The following QTMAN variants were observed in gnomAD, a reference collection of about 807,000 sequenced individuals.
QTMAN encodes tRNA-queuosine alpha-mannosyltransferase.
chr2:144,071,150 TA>T, the QTMAN span, among the ~76,000 whole-genome samples: 1 of 150,692 alleles, frequency 6.6e-6, no homozygotes, highest in South Asian at 2.1e-4. Flanking sequence ...TAAAAGGACA[TA>T]AAATGCTTTA....
the QTMAN span, among the ~76,000 whole-genome samples, chr2:144,289,929 T>G: frequency 5.3e-3 from 812 of 152,266 alleles, 5 homozygotes; most frequent in Non-Finnish European, 6.4e-3. Context: ...CCTAAAGGTT[T>G]CTCCATACGT....
At chr2:144,110,378 A>G in the QTMAN span, among the ~76,000 whole-genome samples, 18 of 152,058 alleles carry the variant, frequency 1.2e-4, no homozygotes, top group East Asian at 3.9e-4. Context: ...ACATCACACA[A>G]TGGGGCCTGT....
the QTMAN span, among the ~76,000 whole-genome samples, chr2:144,231,052 T>C: frequency 1.3e-5 from 2 of 152,092 alleles, no homozygotes; most frequent in South Asian, 4.1e-4. Flanking sequence ...TTCTACAGAA[T>C]AATATGTCAG....
At chr2:144,331,846 C>A in the QTMAN span, among the ~76,000 whole-genome samples, 1 of 152,166 alleles carries the variant, frequency 6.6e-6, no homozygotes, top group Non-Finnish European at 1.5e-5. Context: ...ACTCGGCTGG[C>A]AGAGAGGAGT....
At chr2:143,970,761 C>A in the QTMAN span, 1 of 1,486,094 alleles carries the variant, frequency 6.7e-7, no homozygotes, top group Non-Finnish European at 9.4e-7. Context: ...TTATCATGCT[C>A]CCTGGAAATA....
the QTMAN span, among the ~76,000 whole-genome samples, chr2:144,310,015 A>T: frequency 7.4e-6 from 1 of 134,670 alleles, no homozygotes; most frequent in East Asian, 2.2e-4. Context: ...ATTCTGAAAG[A>T]AAAAGGTCAT....
the QTMAN span, among the ~76,000 whole-genome samples, chr2:143,994,348 C>T: frequency 6.6e-6 from 1 of 152,070 alleles, no homozygotes; most frequent in African/African-American, 2.4e-5. Context: ...AAAACTTAAA[C>T]ATGTATTTAT....
chr2:144,294,622 G>A, the QTMAN span: 1 of 152,138 alleles, frequency 6.6e-6, no homozygotes, highest in African/African-American at 2.4e-5. Context: ...GTGTATGTGT[G>A]TGTGTATACT....
chr2:144,152,336 G>C, the QTMAN span, among the ~76,000 whole-genome samples: 3 of 152,206 alleles, frequency 2.0e-5, no homozygotes, highest in South Asian at 2.1e-4. Context: ...ACTGTCTTAC[G>C]GATGTTTAAG....
At chr2:144,296,280 T>C in the QTMAN span, among the ~76,000 whole-genome samples, 1 of 152,228 alleles carries the variant, frequency 6.6e-6, no homozygotes, top group Non-Finnish European at 1.5e-5. Context: ...ACTAAAATCA[T>C]GTCATTTATC....
chr2:143,986,947 G>T, the QTMAN span, among the ~76,000 whole-genome samples: 1 of 152,124 alleles, frequency 6.6e-6, no homozygotes. Flanking sequence ...TCAAACAAAA[G>T]GAAGTTTTGG....
chr2:144,087,214 A>G, the QTMAN span, among the ~76,000 whole-genome samples: 1 of 152,158 alleles, frequency 6.6e-6, no homozygotes, highest in Non-Finnish European at 1.5e-5. Flanking sequence ...CCATAAATGT[A>G]ATGACTGAAA....
chr2:144,218,809 C>A, the QTMAN span, among the ~76,000 whole-genome samples: 2 of 148,816 alleles, frequency 1.3e-5, no homozygotes, highest in Non-Finnish European at 3.0e-5. Context: ...ATAAATGTCA[C>A]TGAGTATAAG....
chr2:144,182,904 T>C, the QTMAN span, among the ~76,000 whole-genome samples: 12 of 100,076 alleles, frequency 1.2e-4, no homozygotes, highest in African/African-American at 3.8e-4. Flanking sequence ...ATATATATTA[T>C]ATATATATAT....
chr2:144,081,582 T>C, the QTMAN span, among the ~76,000 whole-genome samples: 1 of 151,586 alleles, frequency 6.6e-6, no homozygotes, highest in East Asian at 1.9e-4. Flanking sequence ...AGCCTCTACC[T>C]CTCTCCTCCC....
the QTMAN span, chr2:144,145,608 C>T: frequency 6.2e-7 from 1 of 1,610,010 alleles, no homozygotes. Flanking sequence ...TTGGAAATCC[C>T]TCTCCTGACA....
the QTMAN span, chr2:143,943,518 CA>C: frequency 6.6e-6 from 1 of 152,228 alleles, no homozygotes; most frequent in Non-Finnish European, 1.5e-5. Context: ...CTTGAGACTT[CA>C]GTAAAATTTC....
chr2:144,296,922 C>T, the QTMAN span, among the ~76,000 whole-genome samples: 3 of 152,044 alleles, frequency 2.0e-5, no homozygotes, highest in East Asian at 5.8e-4. Context: ...AGAATGATTG[C>T]TTTATAATGA....
At chr2:143,952,852 ATT>A in the QTMAN span, 1 of 1,575,872 alleles carries the variant, frequency 6.3e-7, no homozygotes, top group Non-Finnish European at 8.7e-7. Context: ...ACCTAGAAAA[ATT>A]TTAGAAAGAG....
Sources: allele counts gnomAD v4.1 joint callset (sites outside exome capture counted in the v4.1 genomes callset), GRCh38; gene constraint gnomAD v4.1.1; transcripts MANE v1.5; gene names NCBI Gene and HGNC (gene_info 2026-07-23, HGNC 2026-07-21).